NPC2: variants seen among roughly 807,000 people sequenced by gnomAD.
The protein encoded by NPC2 is Niemann-Pick disease type C2 protein.
In NPC2, 14 loss-of-function variants were observed where a neutral mutation model predicts 17.0. That is an observed-to-expected ratio of 0.82 (90% confidence interval 0.54 to 1.29). NPC2 has a LOEUF of 1.29. NPC2 is among the 50% of genes most tolerant of loss of function. The pLI is 0.00. For missense variants in NPC2, 167 were observed against 183.4 expected (o/e 0.91, Z 0.52); for synonymous variants, 75 against 69.3 (o/e 1.08, Z -0.41).
At chr14:74,487,279 T>TTTTA (rs2139671111) in intron 1 of NPC2, among the ~76,000 whole-genome samples, 1 of 149,328 alleles carries the variant, frequency 6.7e-6, no homozygotes, top group East Asian at 1.9e-4. Flanking sequence ...TTTTTGTTTT[T>TTTTA]TTTTTTTGAG....
At chr14:74,491,751 T>A (rs1269735244) in intron 1 of NPC2, among the ~76,000 whole-genome samples, 2 of 152,246 alleles carry the variant, frequency 1.3e-5, no homozygotes, top group African/African-American at 4.8e-5. Context: ...CTACCCATCT[T>A]CCTTCTAACC....
rs2086792238 is a variant in NPC2 at position 74,493,032 on chromosome 14, C to G, written c.82+161G>C. ...CGCGGTCGGGTTTCATGGAGGCCGG[C>G]GCCTTCTCCCCCGACCCAGCCCATT... On this transcript the variant is annotated intron_variant, in intron 1 of 4. Transcript: ENST00000555619. This position sits in a 1 kb window ranked among gnomAD's most constrained non-coding sequence, Gnocchi z 4.1. Among the ~76,000 whole-genome samples the G allele has an allele frequency of 6.6e-6, 1 of 152,226 alleles. No individual in the cohort carries two copies. The highest frequency in any genetic ancestry group is 2.1e-4 in the South Asian group (1 of 4,834).
chr14:74,481,164 A>G (rs2086652333), intron 3 of NPC2, among the ~76,000 whole-genome samples: 1 of 152,240 alleles, frequency 6.6e-6, no homozygotes. Context: ...GTATTGGATC[A>G]TGGAGGAAGA....
At chr14:74,489,497 A>G (rs1421327562) in intron 1 of NPC2, among the ~76,000 whole-genome samples, 1 of 152,120 alleles carries the variant, frequency 6.6e-6, no homozygotes, top group Admixed American at 6.6e-5. Flanking sequence ...TGCAATCTAC[A>G]GATGTATACT....
chr14:74,483,004 G>C, intron 3 of NPC2: 1 of 831,010 alleles, frequency 1.2e-6, no homozygotes, highest in Non-Finnish European at 2.1e-6. Flanking sequence ...TGGTTCAGGA[G>C]GTGTTGGGCA....
chr14:74,493,317 G>T (rs762710426), upstream of NPC2: 24 of 1,595,482 alleles, frequency 1.5e-5, no homozygotes, highest in South Asian at 2.7e-4. The surrounding 1 kb of genome is among the most constrained non-coding windows in gnomAD (Gnocchi z 4.1). Context: ...AGCAGCGGCC[G>T]CCCGCGGTCA....
Position 74,493,217 on chromosome 14 carries a change from C to A in NPC2, c.58G>T (p.Glu20Ter), listed in dbSNP as rs80358260. Residue 20 changes from glutamate (E) to a stop codon, truncating the protein, a stop_gained, in exon 1 of 5, where the codon GAA (glutamate) becomes TAA (stop). Coordinates refer to ENST00000555619, the MANE Select transcript of NPC2 (RefSeq NM_006432.5). LOFTEE classifies it high-confidence loss of function. This position sits in a 1 kb window ranked among gnomAD's most constrained non-coding sequence, Gnocchi z 4.1. The part of the protein sequence containing the change: ...LLALSTAAQA[E>*]PVQFKDCGSV... The stretch of plus-strand genomic sequence containing the variant: ...CCGCAGTCCTTGAACTGCACCGGTT[C>A]GGCCTGGGCAGCGGTGCTGAGCGCC... 1.2e-4 allele frequency: 194 copies of A among 1,612,162 alleles called. No individual in the cohort carries two copies. Among genetic ancestry groups the A allele is most frequent in the Non-Finnish European group, 1.5e-4 (176 of 1,179,486 alleles).
In NPC2 at chr14:74,487,119, T is replaced by A. The variant is rs1245359120; in HGVS notation, c.83-683A>T. On this transcript the variant is annotated intron_variant, in intron 1 of 4. Transcript: ENST00000555619. ...GCGAGTGCCATCATGCCCGGCTAAG[T>A]TTTTGTATTTTAGTAGAGACAGGGT... Among the ~76,000 whole-genome samples the A allele has an allele frequency of 3.3e-5, 5 of 149,556 alleles. No individual in the cohort carries two copies. The East Asian group carries it at 9.8e-4, about 29-fold the overall frequency.
At chr14:74,481,505 C>A (rs1265499585) in intron 3 of NPC2, among the ~76,000 whole-genome samples, 1 of 152,196 alleles carries the variant, frequency 6.6e-6, no homozygotes, top group Non-Finnish European at 1.5e-5. Context: ...AATAATTTCA[C>A]ATTTAAGCAA....
intron 1 of NPC2, among the ~76,000 whole-genome samples, chr14:74,491,855 C>G (rs766946150): frequency 3.0e-4 from 45 of 152,126 alleles, no homozygotes; most frequent in Non-Finnish European, 5.9e-4. Context: ...GATAATAGCC[C>G]TTTCCTGAAA....
At position 74,487,969 on chromosome 14, in the gene NPC2, G is replaced by A. The variant is rs79971410; in HGVS notation, c.83-1533C>T. ...TCACATTGCCTGGAAGGGGCAGATC[G>A]AAGACTCAATGGGTGGGCCTGACTT... On this transcript the variant is annotated intron_variant, in intron 1 of 4. Coordinates refer to ENST00000555619, the MANE Select transcript of NPC2 (RefSeq NM_006432.5). Among the ~76,000 whole-genome samples, 662 of 152,292 alleles carry A rather than the reference G, an allele frequency of 4.3e-3. 4 individuals are homozygous for A. Among genetic ancestry groups the A allele is most frequent in the African/African-American group, 0.015 (621 of 41,558 alleles).
chr14:74,480,125 C>T lies in NPC2; in HGVS notation c.*149G>A, dbSNP rs764818467. On this transcript the variant is annotated 3_prime_UTR_variant, in exon 5 of 5. Coordinates refer to ENST00000555619, the MANE Select transcript of NPC2 (RefSeq NM_006432.5). ...ACCACTGAGAACCAGCCACCCGGAG[C>T]TCAGTTTCTGCTACAGAGCACCTCC... 5.7e-6 allele frequency: 9 copies of T among 1,570,228 alleles called. No individual in the cohort carries two copies. Among genetic ancestry groups the T allele is most frequent in the Non-Finnish European group, 7.8e-6 (9 of 1,160,890 alleles).
intron 3 of NPC2, chr14:74,483,330 T>C (rs1444120225): frequency 7.6e-7 from 1 of 1,308,374 alleles, no homozygotes; most frequent in Non-Finnish European, 1.1e-6. Context: ...GAGTGAGTAG[T>C]TGGCAAAGAA....
intron 1 of NPC2, among the ~76,000 whole-genome samples, chr14:74,491,275 G>A (rs1191925441): frequency 6.6e-6 from 1 of 152,124 alleles, no homozygotes; most frequent in Non-Finnish European, 1.5e-5. Context: ...GTTTCACCAT[G>A]TTGGCCAGGA....
intron 1 of NPC2, among the ~76,000 whole-genome samples, chr14:74,487,343 C>A (rs574094896): frequency 6.6e-6 from 1 of 151,014 alleles, no homozygotes; most frequent in African/African-American, 2.4e-5. Context: ...TCTCAGCTCA[C>A]TGCAGCCTCA....
intron 2 of NPC2, 40 bp from the exon 3 acceptor site, chr14:74,484,627 C>T (rs182625551): frequency 2.5e-4 from 409 of 1,605,770 alleles, no homozygotes; most frequent in East Asian, 4.2e-4. Flanking sequence ...AAGAAAATAA[C>T]CTATTTTCAA....
chr14:74,489,700 G>A (rs1441022807), intron 1 of NPC2, among the ~76,000 whole-genome samples: 1 of 152,248 alleles, frequency 6.6e-6, no homozygotes, highest in Non-Finnish European at 1.5e-5. Context: ...TTGAATGGGA[G>A]AGAATGCAGG....
chr14:74,487,008 G>A (rs1009708292), intron 1 of NPC2, among the ~76,000 whole-genome samples: 2 of 141,284 alleles, frequency 1.4e-5, no homozygotes, highest in African/African-American at 5.6e-5. Context: ...TTGGAGTGCA[G>A]TGGCACAGTC....
chr14:74,493,437 G>C, upstream of NPC2: 1 of 1,498,626 alleles, frequency 6.7e-7, no homozygotes, highest in East Asian at 2.5e-5. This position sits in a 1 kb window ranked among gnomAD's most constrained non-coding sequence, Gnocchi z 4.1. Flanking sequence ...CGGAAAGCCA[G>C]CTCCAGCCCT....
Sources: allele counts gnomAD v4.1 joint callset (sites outside exome capture counted in the v4.1 genomes callset), GRCh38; gene constraint gnomAD v4.1.1; non-coding constraint Gnocchi (gnomAD v3.1); transcripts MANE v1.5; gene names NCBI Gene and HGNC (gene_info 2026-07-23, HGNC 2026-07-21).